The following SMARCA1 variants were observed in gnomAD, a reference collection of about 807,000 sequenced individuals.
The protein encoded by SMARCA1 is SWI/SNF-related matrix-associated actin-dependent regulator of chromatin subfamily A member 1.
Under a neutral mutation model 93.6 loss-of-function variants are expected in SMARCA1, and 17 were observed. The ratio of observed to expected loss-of-function variants is 0.18; its 90% CI spans 0.12 to 0.27. SMARCA1 has a LOEUF of 0.27. Ranked by LOEUF, SMARCA1 falls within the 10% of genes least tolerant of loss-of-function variation. The pLI, the probability that SMARCA1 is intolerant of heterozygous loss-of-function variation, is 1.00. For missense variants in SMARCA1, 630 were observed against 819.0 expected (o/e 0.77, Z 2.82); for synonymous variants, 271 against 271.4 (o/e 1.00, Z 0.01).
chrX:129,490,434 T>C (rs1306782562), intron 14 of SMARCA1, among the ~76,000 whole-genome samples: 1 of 111,716 alleles, frequency 9.0e-6, no homozygotes, highest in East Asian at 2.8e-4. Context: ...GTAAGATGAA[T>C]AAAAGAGGGA....
intron 23 of SMARCA1, among the ~76,000 whole-genome samples, chrX:129,463,232 T>C (rs1932836481): frequency 8.9e-6 from 1 of 111,769 alleles, no homozygotes; most frequent in Non-Finnish European, 1.9e-5. Flanking sequence ...AAGCTGTTAG[T>C]GGTGCTCTAA....
chrX:129,465,411 G>A, intron 23 of SMARCA1, 109 bp downstream of exon 23: 1 of 503,846 alleles, frequency 2.0e-6, no homozygotes, highest in Non-Finnish European at 3.5e-6. Context: ...GAAAGAGAGA[G>A]CGCCAATGTG....
At chrX:129,474,261 C>A (rs1933273503) in intron 19 of SMARCA1, among the ~76,000 whole-genome samples, 1 of 111,071 alleles carries the variant, frequency 9.0e-6, no homozygotes, top group Non-Finnish European at 1.9e-5. Flanking sequence ...TTAATAGACC[C>A]CTTAAATTGC....
chrX:129,451,269 T>C (rs752785440), intron 23 of SMARCA1, among the ~76,000 whole-genome samples: 53 of 111,998 alleles, frequency 4.7e-4, no homozygotes, highest in African/African-American at 1.7e-3. Flanking sequence ...ATTTACCTAT[T>C]ATAGAAAAGG....
intron 9 of SMARCA1, 91 bp downstream of exon 9, chrX:129,504,643 C>T (rs1229357516): frequency 1.2e-5 from 5 of 417,239 alleles, no homozygotes; most frequent in Non-Finnish European, 1.9e-5. Flanking sequence ...GAGGCAAACA[C>T]AAGTTCAAAC....
At chrX:129,504,567 A>AAAC in intron 9 of SMARCA1, among the ~76,000 whole-genome samples, 167 bp downstream of exon 9, 1 of 98,407 alleles carries the variant, frequency 1.0e-5, no homozygotes. Flanking sequence ...AAAAAAAAAA[A>AAAC]AAAAAAAAAA....
intron 20 of SMARCA1, 50 bp from the exon 21 acceptor site, chrX:129,468,955 C>G: frequency 3.5e-6 from 3 of 852,161 alleles, no homozygotes; most frequent in African/African-American, 2.0e-5. Context: ...TTAATAAATC[C>G]ATTTATTGCC....
chrX:129,517,036 G>A (rs6637615), intron 2 of SMARCA1, among the ~76,000 whole-genome samples: 13,593 of 110,523 alleles, frequency 0.12, 750 homozygotes, highest in East Asian at 0.32. Context: ...AATATTTTCA[G>A]TGTCATGGTA....
chrX:129,504,650 A>G, intron 9 of SMARCA1, 84 bp downstream of exon 9: 1 of 648,768 alleles, frequency 1.5e-6, no homozygotes, highest in Non-Finnish European at 2.4e-6. Flanking sequence ...ACACAAGTTC[A>G]AACAGATTCC....
At chrX:129,472,179 A>G (rs1872918044) in intron 19 of SMARCA1, among the ~76,000 whole-genome samples, 1 of 112,184 alleles carries the variant, frequency 8.9e-6, no homozygotes, top group African/African-American at 3.2e-5. Context: ...GTATGGAGGA[A>G]CAAATGAAGT....
intron 8 of SMARCA1, among the ~76,000 whole-genome samples, chrX:129,505,518 G>GTAA (rs1166153512): frequency 1.8e-5 from 2 of 109,757 alleles, no homozygotes; most frequent in Non-Finnish European, 1.9e-5. Context: ...TCTCAAAATA[G>GTAA]TAATAATAAT....
At chrX:129,459,754 C>T (rs1302209837) in intron 23 of SMARCA1, among the ~76,000 whole-genome samples, 2 of 112,440 alleles carry the variant, frequency 1.8e-5, no homozygotes, top group African/African-American at 6.5e-5. Flanking sequence ...CTGTAGGAGT[C>T]TATGGGATAG....
At chrX:129,454,829 T>G (rs1397184892) in intron 23 of SMARCA1, among the ~76,000 whole-genome samples, 1 of 111,624 alleles carries the variant, frequency 9.0e-6, no homozygotes, top group Non-Finnish European at 1.9e-5. Context: ...AAGACATTTA[T>G]GCGGCTAACA....
intron 12 of SMARCA1, 59 bp from the exon 13 acceptor site, chrX:129,493,134 A>G (rs1569441443): frequency 5.5e-6 from 2 of 363,659 alleles, no homozygotes; most frequent in East Asian, 8.4e-5. Context: ...TCACTATAGC[A>G]TTATTTATAA....
In SMARCA1 at chrX:129,496,777, A is replaced by G. The variant is rs1364785307; in HGVS notation, c.1599T>C (p.Asp533=). ...CTCTTTCTTCATGCGGGGTTTGTCC[A>G]TCCAGTCGACAATACTCATAACCAC... ...MWRGYEYCRL[D]GQTPHEERED... is the part of the protein sequence containing the mutation. Residue 533 remains aspartate (D), a synonymous_variant, in exon 12 of 25, where the codon GAT becomes GAC. Coordinates refer to ENST00000371121, the MANE Select transcript of SMARCA1 (RefSeq NM_001282874.2). The G allele has an allele frequency of 2.5e-6, 3 of 1,205,021 alleles. No individual in the cohort carries two copies. Among genetic ancestry groups the G allele is most frequent in the Non-Finnish European group, 3.4e-6 (3 of 891,752 alleles).
intron 19 of SMARCA1, 117 bp downstream of exon 19, chrX:129,480,584 T>G (rs1933608514): frequency 3.3e-6 from 1 of 302,889 alleles, no homozygotes; most frequent in Non-Finnish European, 5.6e-6. Context: ...AACATCACTG[T>G]TGTGATTTGC....
chrX:129,505,982 C>T (rs769120936), intron 8 of SMARCA1, 98 bp downstream of exon 8: 4 of 689,524 alleles, frequency 5.8e-6, no homozygotes, highest in Non-Finnish European at 6.4e-6. Context: ...TAAAAAATTA[C>T]AAATTAAAAA....
chrX:129,506,902 C>G (rs1349392293), intron 7 of SMARCA1, among the ~76,000 whole-genome samples: 3 of 110,146 alleles, frequency 2.7e-5, no homozygotes, highest in African/African-American at 6.6e-5. Flanking sequence ...CACGTTCTAA[C>G]TTGGCCTGGT....
intron 1 of SMARCA1, 82 bp from the exon 2 acceptor site, chrX:129,518,529 G>T (rs1035515915): frequency 1.9e-6 from 1 of 523,734 alleles, no homozygotes; most frequent in Non-Finnish European, 3.2e-6. Flanking sequence ...AGAAGAAGGC[G>T]GAAAGTAATT....
Sources: allele counts gnomAD v4.1 joint callset (sites outside exome capture counted in the v4.1 genomes callset), GRCh38; gene constraint gnomAD v4.1.1; transcripts MANE v1.5; gene names NCBI Gene and HGNC (gene_info 2026-07-23, HGNC 2026-07-21).